Variants in PCTP observed in about 807,000 individuals in gnomAD.
PCTP encodes the protein START domain-containing protein 2.
Under a neutral mutation model 31.0 loss-of-function variants are expected in PCTP, and 27 were observed. The ratio of observed to expected loss-of-function variants is 0.87; its 90% CI spans 0.64 to 1.20. The LOEUF is 1.20. Among genes scored for constraint, PCTP ranks in the 50% most tolerant of loss-of-function variants. The probability of loss-of-function intolerance (pLI) is 0.00; values close to 1 mark genes in which losing one functional copy is unlikely to be tolerated. For missense variants in PCTP, 287 were observed against 268.2 expected (o/e 1.07, Z -0.49); for synonymous variants, 108 against 101.2 (o/e 1.07, Z -0.40).
the PCTP span, among the ~76,000 whole-genome samples, chr17:55,851,368 AGATGAGCT>A: frequency 0.015 from 2,242 of 152,294 alleles, 49 homozygotes; most frequent in African/African-American, 0.052. Flanking sequence ...CAGAGCTTTC[AGATGAGCT>A]GAAATGGACT....
At chr17:55,758,961 A>C (rs762576582) in intron 1 of PCTP, among the ~76,000 whole-genome samples, 1 of 152,186 alleles carries the variant, frequency 6.6e-6, no homozygotes, top group Non-Finnish European at 1.5e-5. Flanking sequence ...CGATTACAGG[A>C]GGTGGCTATT....
downstream of PCTP, among the ~76,000 whole-genome samples, chr17:55,782,274 C>T (rs1329335132): frequency 6.6e-6 from 1 of 152,176 alleles, no homozygotes; most frequent in Non-Finnish European, 1.5e-5. Context: ...ATCTTATCCT[C>T]AAACACCCCT....
At chr17:55,782,035 T>C (rs578052161), downstream of PCTP, among the ~76,000 whole-genome samples, 2 of 152,150 alleles carry the variant, frequency 1.3e-5, no homozygotes, top group Non-Finnish European at 2.9e-5. Flanking sequence ...GGAGACCTCA[T>C]GATATAGTTC....
chr17:55,777,042 A>G lies in PCTP; in HGVS notation c.*942A>G, dbSNP rs1911374042. On this transcript the variant is annotated 3_prime_UTR_variant, in exon 6 of 6. Coordinates refer to ENST00000268896, the MANE Select transcript of PCTP (RefSeq NM_021213.4). ...GGATAACAGTTCACAGCCAGGTAAA[A>G]TTTAACTGGTGGCTTAATGACTCTG... is the stretch of plus-strand genomic sequence containing the variant. 1.0e-6 allele frequency: 1 copy of G among 985,690 alleles called. No individual in the cohort carries two copies. Among genetic ancestry groups the G allele is most frequent in the African/African-American group, 1.7e-5 (1 of 57,230 alleles). The allele number at this position is 985,690 out of a possible 1,614,324, so 61.1% of individuals were successfully genotyped here.
downstream of PCTP, among the ~76,000 whole-genome samples, chr17:55,778,363 T>G (rs1911439709): frequency 6.6e-6 from 1 of 152,194 alleles, no homozygotes. Flanking sequence ...TTGTTTTACT[T>G]ATTTTTCCCA....
intron 3 of PCTP, among the ~76,000 whole-genome samples, chr17:55,800,970 A>G (rs1316852250): frequency 6.6e-6 from 1 of 152,112 alleles, no homozygotes; most frequent in African/African-American, 2.4e-5. Context: ...AGAATAGCAA[A>G]GATTACTGCC....
intron 3 of PCTP, among the ~76,000 whole-genome samples, chr17:55,813,214 C>G (rs1391291367): frequency 6.6e-6 from 1 of 152,160 alleles, no homozygotes; most frequent in Non-Finnish European, 1.5e-5. Flanking sequence ...CCTTTCCTCT[C>G]TTATTTAAAA....
At chr17:55,833,720 A>G (rs1164222816) in intron 5 of PCTP, among the ~76,000 whole-genome samples, 1 of 152,216 alleles carries the variant, frequency 6.6e-6, no homozygotes, top group African/African-American at 2.4e-5. Flanking sequence ...TTTGAGAACC[A>G]CTTATTAATT....
At chr17:55,771,014 T>G in intron 2 of PCTP, 92 bp from the exon 3 acceptor site, 17 of 930,912 alleles carry the variant, frequency 1.8e-5, no homozygotes, top group Non-Finnish European at 2.6e-5. Flanking sequence ...ATTACAGGCA[T>G]GAGCCACCAT....
At position 55,751,055 on chromosome 17, in the gene PCTP, G is replaced by C; in HGVS notation, c.-49G>C. 6.8e-7 allele frequency: 1 copy of C among 1,478,328 alleles called. No individual in the cohort carries two copies. Among genetic ancestry groups the C allele is most frequent in the Non-Finnish European group, 8.9e-7 (1 of 1,118,096 alleles). The allele number at this position is 1,478,328 out of a possible 1,614,324, so 91.6% of individuals were successfully genotyped here. Reference sequence around the variant, plus strand: ...CACCCCGCCCCCAGGCCCACACTAAGGGTGTCCGCGGCCTGCCCTCCAGGC... The same window carrying C: ...CACCCCGCCCCCAGGCCCACACTAACGGTGTCCGCGGCCTGCCCTCCAGGC... On this transcript the variant is annotated 5_prime_UTR_variant, in exon 1 of 6. Coordinates refer to ENST00000268896, the MANE Select transcript of PCTP (RefSeq NM_021213.4).
At chr17:55,824,704 A>G (rs1220425628), downstream of PCTP, among the ~76,000 whole-genome samples, 2 of 152,188 alleles carry the variant, frequency 1.3e-5, no homozygotes, top group Non-Finnish European at 2.9e-5. Context: ...GAACAAATTT[A>G]GCCTTGGAGA....
intron 4 of PCTP, among the ~76,000 whole-genome samples, chr17:55,774,114 ATTTTC>A (rs1911174984): frequency 6.6e-6 from 1 of 152,162 alleles, no homozygotes; most frequent in Non-Finnish European, 1.5e-5. Flanking sequence ...GACCCAGTCT[ATTTTC>A]TCCAGACTCA....
downstream of PCTP, among the ~76,000 whole-genome samples, chr17:55,780,291 CAATT>C (rs1459830681): frequency 4.6e-5 from 7 of 152,078 alleles, no homozygotes; most frequent in Admixed American, 3.9e-4. Flanking sequence ...AATGGAACAA[CAATT>C]AAACAGTACA....
At chr17:55,754,401 A>G (rs1012915800) in intron 1 of PCTP, among the ~76,000 whole-genome samples, 1 of 152,242 alleles carries the variant, frequency 6.6e-6, no homozygotes, top group African/African-American at 2.4e-5. Flanking sequence ...ACTACAAAGT[A>G]TACAGATGCA....
At chr17:55,814,361 T>C (rs1462127917) in intron 3 of PCTP, among the ~76,000 whole-genome samples, 2 of 152,224 alleles carry the variant, frequency 1.3e-5, no homozygotes, top group Non-Finnish European at 2.9e-5. Context: ...ATTCTAGTTA[T>C]TTTCAATTTT....
chr17:55,777,000 A>G lies in PCTP; in HGVS notation c.*900A>G. 1 of 985,728 alleles carries G rather than the reference A, an allele frequency of 1.0e-6. No homozygotes were observed. Among genetic ancestry groups the G allele is most frequent in the Non-Finnish European group, 1.2e-6 (1 of 829,972 alleles). The allele number at this position is 985,728 out of a possible 1,614,324, so 61.1% of individuals were successfully genotyped here. The stretch of plus-strand genomic sequence containing the variant: ...ATAAGATGAATTTTCCTCCCAGAAT[A>G]TTTAGAAATGTAGAAGGGATAACAG... On this transcript the variant is annotated 3_prime_UTR_variant, in exon 6 of 6. Coordinates refer to ENST00000268896, the MANE Select transcript of PCTP (RefSeq NM_021213.4).
intron 3 of PCTP, among the ~76,000 whole-genome samples, chr17:55,816,234 C>G (rs35532402): frequency 3.3e-5 from 5 of 152,064 alleles, no homozygotes; most frequent in Non-Finnish European, 5.9e-5. Flanking sequence ...CAAAGAAATC[C>G]CAAATGTTTT....
At chr17:55,787,444 C>T (rs1186124587) in intron 2 of PCTP, 1 of 151,974 alleles carries the variant, frequency 6.6e-6, no homozygotes, top group Non-Finnish European at 1.5e-5. Context: ...AACTTCACCT[C>T]CTGGGTTCAA....
chr17:55,818,064 G>A (rs1256106357), intron 3 of PCTP, among the ~76,000 whole-genome samples: 1 of 152,196 alleles, frequency 6.6e-6, no homozygotes, highest in African/African-American at 2.4e-5. Context: ...ACAGCTTGGG[G>A]TGGGTCAGAA....
Sources: gnomAD v4.1 joint callset for allele counts (sites outside exome capture counted in the v4.1 genomes callset) on GRCh38, gnomAD v4.1.1 for gene constraint, MANE v1.5 for transcripts, NCBI Gene and HGNC (gene_info 2026-07-23, HGNC 2026-07-21) for gene names.